The following AGBL1 variants were observed in gnomAD, a reference collection of about 807,000 sequenced individuals.
AGBL1 encodes the protein AGBL carboxypeptidase 1.
AGBL1 carries 130 observed loss-of-function variants against 118.9 expected under a neutral mutation model. That is an observed-to-expected ratio of 1.09 (90% CI 0.95 to 1.26). The LOEUF is 1.26. Among genes scored for constraint, AGBL1 ranks in the 50% most tolerant of loss-of-function variants. AGBL1 has a pLI of 0.00. For missense variants in AGBL1, 1,584 were observed against 1,298.1 expected (o/e 1.22, Z -3.38); for synonymous variants, 555 against 478.9 (o/e 1.16, Z -2.08).
At chr15:86,723,389 G>A (rs1028202274) in intron 22 of AGBL1, among the ~76,000 whole-genome samples, 4 of 152,152 alleles carry the variant, frequency 2.6e-5, no homozygotes, top group Non-Finnish European at 5.9e-5. Flanking sequence ...ATCGTTCTCA[G>A]CAAACTGTCG....
chr15:86,473,794 C>G (rs927687075), intron 18 of AGBL1, among the ~76,000 whole-genome samples: 9 of 152,072 alleles, frequency 5.9e-5, no homozygotes, highest in African/African-American at 2.2e-4. Context: ...CCAACGTTTG[C>G]CTATATCATT....
chr15:86,145,266 GA>G (rs2077017613), intron 3 of AGBL1, among the ~76,000 whole-genome samples: 1 of 152,176 alleles, frequency 6.6e-6, no homozygotes, highest in South Asian at 2.1e-4. Flanking sequence ...CACAGAAGTG[GA>G]ACATTCCTAG....
intron 18 of AGBL1, among the ~76,000 whole-genome samples, chr15:86,460,537 A>AC (rs2082321780): frequency 1.3e-5 from 2 of 150,892 alleles, no homozygotes; most frequent in South Asian, 2.1e-4. Flanking sequence ...AACAACAACA[A>AC]AAACAATGGT....
intron 23 of AGBL1, among the ~76,000 whole-genome samples, chr15:86,936,270 CAGAG>C (rs763440102): frequency 2.5e-4 from 37 of 146,802 alleles, no homozygotes; most frequent in Middle Eastern, 7.3e-3. Flanking sequence ...GTGTGTGTGA[CAGAG>C]AGAGAAAGAG....
chr15:86,284,562 CTT>C (rs1391338833), intron 16 of AGBL1, among the ~76,000 whole-genome samples: 2 of 152,128 alleles, frequency 1.3e-5, no homozygotes, highest in South Asian at 2.1e-4. Flanking sequence ...GATAAGAAGT[CTT>C]TGATTCTCTG....
At chr15:86,827,497 A>ACG (rs1406638072) in intron 22 of AGBL1, among the ~76,000 whole-genome samples, 2 of 39,724 alleles carry the variant, frequency 5.0e-5, no homozygotes, top group Non-Finnish European at 9.9e-5. Context: ...GTGTATATAT[A>ACG]TATATATATA....
chr15:86,212,481 A>G (rs2078115100), intron 5 of AGBL1, among the ~76,000 whole-genome samples: 1 of 152,196 alleles, frequency 6.6e-6, no homozygotes, highest in Non-Finnish European at 1.5e-5. Context: ...AGGCTTTCTA[A>G]AGAATGAGAG....
chr15:86,964,031 C>CTCTCTGTG lies in AGBL1; in HGVS notation c.3222-23955_3222-23954insCTCTGTGT, dbSNP rs1183866210. Among the ~76,000 whole-genome samples, 160 of 146,298 alleles carry CTCTCTGTG rather than the reference C, an allele frequency of 1.1e-3. 3 individuals are homozygous for CTCTCTGTG. In the East Asian group the frequency reaches 0.011, roughly 10 times the overall value. ...AAACTCTCTCTCTCTCTCTCTCTCT[C>CTCTCTGTG]TGTGTGTGTGTGTGTGTGTGTGTGT... On this transcript the variant is annotated intron_variant, in intron 23 of 24. Coordinates refer to the AGBL1 transcript ENST00000441037.
chr15:86,575,278 C>T (rs28857525), intron 21 of AGBL1, among the ~76,000 whole-genome samples: 3,542 of 151,998 alleles, frequency 0.023, 146 homozygotes, highest in African/African-American at 0.079. Flanking sequence ...GCAGGAGGTT[C>T]GCTTGAGCCT....
At chr15:86,298,867 C>T (rs932940596) in intron 17 of AGBL1, among the ~76,000 whole-genome samples, 3 of 152,150 alleles carry the variant, frequency 2.0e-5, no homozygotes, top group Non-Finnish European at 4.4e-5. Flanking sequence ...AGGCTGGTTC[C>T]CCTGATGATC....
intron 24 of AGBL1, among the ~76,000 whole-genome samples, chr15:87,018,028 G>A (rs1232181834): frequency 6.8e-6 from 1 of 146,546 alleles, no homozygotes; most frequent in Non-Finnish European, 1.5e-5. Flanking sequence ...CAGAATCTCA[G>A]AGCTTGAAGA....
intron 16 of AGBL1, among the ~76,000 whole-genome samples, chr15:86,294,205 C>T (rs972578534): frequency 6.6e-6 from 1 of 151,998 alleles, no homozygotes; most frequent in Non-Finnish European, 1.5e-5. Flanking sequence ...CGAGATCAGC[C>T]TGGCCAATAT....
At chr15:86,668,348 A>T (rs12898875) in intron 21 of AGBL1, among the ~76,000 whole-genome samples, 134,727 of 152,242 alleles carry the variant, frequency 0.88, 59,785 homozygotes, top group South Asian at 0.95. Flanking sequence ...AATTTAGAAA[A>T]TGAATTTTAA....
intron 21 of AGBL1, among the ~76,000 whole-genome samples, chr15:86,649,287 G>C (rs925721778): frequency 1.3e-5 from 2 of 152,132 alleles, no homozygotes; most frequent in African/African-American, 4.8e-5. Context: ...TCCTTTGATA[G>C]CTTCAATTTT....
At chr15:86,663,023 C>G (rs1394511490) in intron 21 of AGBL1, among the ~76,000 whole-genome samples, 1 of 152,204 alleles carries the variant, frequency 6.6e-6, no homozygotes, top group Non-Finnish European at 1.5e-5. Flanking sequence ...GCTTGGAGGT[C>G]TAAGTAAAGA....
At chr15:86,766,777 C>G (rs1447606342) in intron 22 of AGBL1, among the ~76,000 whole-genome samples, 2 of 151,902 alleles carry the variant, frequency 1.3e-5, no homozygotes, top group Non-Finnish European at 2.9e-5. Context: ...AATCAAATTT[C>G]TGCTGTCCAC....
At chr15:86,618,049 C>G (rs1324991430) in intron 21 of AGBL1, among the ~76,000 whole-genome samples, 1 of 152,116 alleles carries the variant, frequency 6.6e-6, no homozygotes, top group East Asian at 1.9e-4. Flanking sequence ...TGAGATTTAA[C>G]ATTTCTCATG....
chr15:86,555,755 CAT>C (rs1459679295), intron 21 of AGBL1, among the ~76,000 whole-genome samples: 1 of 151,840 alleles, frequency 6.6e-6, no homozygotes, highest in Non-Finnish European at 1.5e-5. Flanking sequence ...TATTTTTTTT[CAT>C]ATGTCAAATG....
intron 18 of AGBL1, among the ~76,000 whole-genome samples, chr15:86,485,907 C>T (rs997758494): frequency 6.6e-6 from 1 of 152,104 alleles, no homozygotes; most frequent in Non-Finnish European, 1.5e-5. Context: ...ACCTTGACCA[C>T]ATCTCTCCTT....
Sources: allele counts gnomAD v4.1 joint callset (sites outside exome capture counted in the v4.1 genomes callset), GRCh38; gene constraint gnomAD v4.1.1; transcripts MANE v1.5; gene names NCBI Gene and HGNC (gene_info 2026-07-23, HGNC 2026-07-21).